DGKB: variants seen among roughly 807,000 people sequenced by gnomAD.
DGKB encodes 90 kDa diacylglycerol kinase.
In DGKB, 67 loss-of-function variants were observed where a neutral mutation model predicts 114.3. The ratio of observed to expected loss-of-function variants is 0.59; its 90% CI spans 0.48 to 0.72. The LOEUF is 0.72. Ranked by LOEUF, DGKB falls within the 30% of genes least tolerant of loss-of-function variation. The pLI is 0.00. For synonymous variants in DGKB, 398 were observed against 323.1 expected (o/e 1.23, Z -2.49); for missense variants, 907 against 975.2 (o/e 0.93, Z 0.93).
chr7:14,593,299 G>T (rs1296034782), intron 17 of DGKB, among the ~76,000 whole-genome samples: 3 of 151,888 alleles, frequency 2.0e-5, no homozygotes, highest in African/African-American at 2.4e-5. Context: ...TATTCCTGGG[G>T]AACCTATAAT....
intron 21 of DGKB, among the ~76,000 whole-genome samples, chr7:14,474,261 G>A (rs889345040): frequency 9.9e-5 from 15 of 152,044 alleles, no homozygotes; most frequent in Non-Finnish European, 1.8e-4. Flanking sequence ...GGTTCTACAC[G>A]GGGGAGTTTC....
At chr7:14,785,431 G>GTATACATGTATGTA (rs1562528563) in intron 2 of DGKB, among the ~76,000 whole-genome samples, 3 of 151,914 alleles carry the variant, frequency 2.0e-5, no homozygotes, top group Non-Finnish European at 4.4e-5. Context: ...AAAATCATAT[G>GTATACATGTATGTA]TATACATGTA....
chr7:14,195,484 C>G (rs908996849), intron 23 of DGKB, among the ~76,000 whole-genome samples: 1 of 152,078 alleles, frequency 6.6e-6, no homozygotes, highest in African/African-American at 2.4e-5. Context: ...CAATACAAAG[C>G]AAACAAACAA....
At chr7:14,399,773 T>C (rs1004608783) in intron 21 of DGKB, among the ~76,000 whole-genome samples, 2 of 151,844 alleles carry the variant, frequency 1.3e-5, no homozygotes, top group Non-Finnish European at 2.9e-5. Flanking sequence ...TTTGAAAAAG[T>C]CATTCCTCTT....
chr7:14,744,687 G>T (rs1366607817), intron 4 of DGKB, among the ~76,000 whole-genome samples: 1 of 152,134 alleles, frequency 6.6e-6, no homozygotes, highest in Non-Finnish European at 1.5e-5. Flanking sequence ...CAAACTGTCA[G>T]GCCAAGTATA....
intron 12 of DGKB, among the ~76,000 whole-genome samples, chr7:14,673,932 A>G (rs1343807891): frequency 2.0e-5 from 3 of 152,016 alleles, no homozygotes; most frequent in African/African-American, 4.8e-5. Context: ...AAAGAGCCAC[A>G]TTATTTTTCC....
chr7:14,499,459 C>A (rs779108284), intron 20 of DGKB, among the ~76,000 whole-genome samples: 11 of 151,708 alleles, frequency 7.3e-5, no homozygotes, highest in African/African-American at 1.2e-4. Context: ...TATTGGCTAT[C>A]ACCCCCGAAA....
intron 25 of DGKB, among the ~76,000 whole-genome samples, chr7:14,170,223 AG>A (rs1250764546): frequency 6.6e-6 from 1 of 151,902 alleles, no homozygotes; most frequent in Non-Finnish European, 1.5e-5. Context: ...GCCTCTGAAG[AG>A]TGACTGAGTG....
At chr7:14,177,732 T>C (rs901890989) in intron 24 of DGKB, among the ~76,000 whole-genome samples, 4 of 152,144 alleles carry the variant, frequency 2.6e-5, no homozygotes, top group Non-Finnish European at 4.4e-5. Context: ...GTAAATACTT[T>C]GGTGCTTCAG....
intron 21 of DGKB, among the ~76,000 whole-genome samples, chr7:14,413,375 G>A (rs1486289804): frequency 6.6e-6 from 1 of 152,052 alleles, no homozygotes; most frequent in Non-Finnish European, 1.5e-5. Context: ...AATTTTGAGG[G>A]GGACAGTCAT....
At chr7:14,937,255 G>A (rs1022323310) in intron 1 of DGKB, among the ~76,000 whole-genome samples, 2 of 151,610 alleles carry the variant, frequency 1.3e-5, no homozygotes, top group African/African-American at 4.9e-5. Context: ...TTTTTTAAGT[G>A]TATTCAAATT....
chr7:14,271,642 C>T (rs774406859), intron 23 of DGKB, among the ~76,000 whole-genome samples: 3 of 152,130 alleles, frequency 2.0e-5, no homozygotes, highest in South Asian at 2.1e-4. Context: ...CATTACCATT[C>T]TAAAATAATG....
In DGKB at chr7:14,841,379, G is replaced by A. The variant is rs543597445; in HGVS notation, c.-116C>T. ...CATGTTTCATGATAAAATACCTCAG[G>A]CTTTCAAAATATGCAATCTGTCCAC... is the stretch of plus-strand genomic sequence containing the variant. On this transcript the variant is annotated 5_prime_UTR_variant, in exon 2 of 26. Transcript: ENST00000402815. 7.2e-6 allele frequency: 6 copies of A among 829,924 alleles called. No individual in the cohort carries two copies. The highest frequency in any genetic ancestry group is 1.1e-5 in the Non-Finnish European group (6 of 537,842). 51.4% of individuals were successfully genotyped at this position (829,924 alleles called of 1,614,324 possible). A position where few individuals can be genotyped will look rare whatever the true frequency, so the allele number is the denominator to read the frequency against.
intron 20 of DGKB, among the ~76,000 whole-genome samples, chr7:14,518,871 G>T (rs1363454730): frequency 6.6e-6 from 1 of 151,852 alleles, no homozygotes; most frequent in Non-Finnish European, 1.5e-5. Context: ...AGATTCTTTG[G>T]GTCCTTTCCT....
intron 20 of DGKB, among the ~76,000 whole-genome samples, chr7:14,530,150 G>A (rs1437784281): frequency 6.6e-6 from 1 of 151,378 alleles, no homozygotes; most frequent in Non-Finnish European, 1.5e-5. Flanking sequence ...ATTTTATTAA[G>A]GCTGTGTTTT....
At chr7:14,151,409 T>G (rs1782181520) in intron 25 of DGKB, among the ~76,000 whole-genome samples, 1 of 151,964 alleles carries the variant, frequency 6.6e-6, no homozygotes, top group Non-Finnish European at 1.5e-5. Flanking sequence ...TCTCTGTGTT[T>G]TTTTTTGGCG....
At chr7:14,419,453 T>C (rs1419867484) in intron 21 of DGKB, among the ~76,000 whole-genome samples, 3 of 151,918 alleles carry the variant, frequency 2.0e-5, no homozygotes, top group African/African-American at 7.2e-5. Context: ...CATTACTCCT[T>C]TTGGGCTTTT....
rs542000248 is a variant in DGKB at position 14,963,657 on chromosome 7, A to G, written c.-188+11039T>C. ...TAAAATTCAGAGACAATGGTTGGACAATTGTTTGATACGCTAGGGAGTGAT... is the reference window on the plus strand; with the variant it reads ...TAAAATTCAGAGACAATGGTTGGACGATTGTTTGATACGCTAGGGAGTGAT... On this transcript the variant is annotated intron_variant, in intron 1 of 4. Coordinates refer to the DGKB transcript ENST00000437998. 5.3e-5 allele frequency among the ~76,000 whole-genome samples: 8 copies of G among 152,306 alleles called. No individual in the cohort carries two copies. In the South Asian group the frequency reaches 1.7e-3, roughly 32 times the overall value.
intron 21 of DGKB, among the ~76,000 whole-genome samples, chr7:14,426,239 C>A (rs1030969443): frequency 5.3e-5 from 8 of 152,106 alleles, no homozygotes; most frequent in African/African-American, 1.9e-4. Context: ...GAGATGCTGG[C>A]TCATTGCACT....
Sources: gnomAD v4.1 joint callset for allele counts (sites outside exome capture counted in the v4.1 genomes callset) on GRCh38, gnomAD v4.1.1 for gene constraint, MANE v1.5 for transcripts, NCBI Gene and HGNC (gene_info 2026-07-23, HGNC 2026-07-21) for gene names.